Variants in PTPRN2 observed in about 807,000 individuals in gnomAD.
PTPRN2 encodes protein tyrosine phosphatase receptor type N2, also known as receptor-type tyrosine-protein phosphatase N2.
PTPRN2 carries 74 observed loss-of-function variants against 118.8 expected under a neutral mutation model. The ratio of observed to expected loss-of-function variants is 0.62; its 90% CI spans 0.52 to 0.76. PTPRN2 has a LOEUF of 0.76. Among genes scored for constraint, PTPRN2 ranks in the 30% least tolerant of loss-of-function variants. The pLI, the probability that PTPRN2 is intolerant of heterozygous loss-of-function variation, is 0.00. For synonymous variants in PTPRN2, 641 were observed against 608.0 expected, an observed-to-expected ratio of 1.05 and a Z score of -0.80; for missense variants, 1,481 against 1,394.4, an observed-to-expected ratio of 1.06 and a Z score of -0.99.
intron 21 of PTPRN2, among the ~76,000 whole-genome samples, chr7:157,561,223 G>A (rs1799176542): frequency 6.6e-6 from 1 of 151,830 alleles, no homozygotes; most frequent in South Asian, 2.1e-4. Context: ...CGGCCCCCGG[G>A]TCCTGTACTG....
intron 12 of PTPRN2, among the ~76,000 whole-genome samples, chr7:157,896,446 T>C (rs769473305): frequency 2.0e-4 from 29 of 146,222 alleles, no homozygotes; most frequent in Admixed American, 6.8e-4. Flanking sequence ...CTCAGGTGCG[T>C]GTGGGAAGGA....
chr7:157,571,125 C>A (rs574090793), intron 20 of PTPRN2, among the ~76,000 whole-genome samples: 1 of 150,438 alleles, frequency 6.6e-6, no homozygotes, highest in East Asian at 2.0e-4. Context: ...CGGGCGCAAT[C>A]GCTTGATCCC....
At chr7:158,340,662 TCA>T (rs1279734856) in intron 2 of PTPRN2, among the ~76,000 whole-genome samples, 27 of 96,184 alleles carry the variant, frequency 2.8e-4, no homozygotes, top group African/African-American at 1.0e-3. Flanking sequence ...CCCGCAGACG[TCA>T]CTCACACCCA....
intron 3 of PTPRN2, among the ~76,000 whole-genome samples, chr7:158,245,990 T>C (rs2150872987): frequency 6.6e-6 from 1 of 152,086 alleles, no homozygotes. Flanking sequence ...AGGGCCTGGT[T>C]GGCAGCAGCG....
chr7:158,333,778 A>G (rs1246167379), intron 2 of PTPRN2, among the ~76,000 whole-genome samples: 4 of 147,444 alleles, frequency 2.7e-5, no homozygotes, highest in African/African-American at 1.0e-4. Context: ...GACATCACTC[A>G]CACACACACT....
chr7:158,437,806 G>A (rs962148958), intron 2 of PTPRN2, among the ~76,000 whole-genome samples: 2 of 152,230 alleles, frequency 1.3e-5, no homozygotes, highest in African/African-American at 4.8e-5. Context: ...TTTGGCAAAT[G>A]TGTCAGAGGT....
At chr7:158,543,745 AC>A (rs1260640440) in intron 1 of PTPRN2, among the ~76,000 whole-genome samples, 5 of 152,276 alleles carry the variant, frequency 3.3e-5, no homozygotes, top group Admixed American at 1.3e-4. Context: ...CATTTCATCT[AC>A]CCTCTAAAAT....
chr7:158,023,376 T>C (rs896495213), intron 11 of PTPRN2, among the ~76,000 whole-genome samples: 2 of 152,138 alleles, frequency 1.3e-5, no homozygotes, highest in Admixed American at 1.3e-4. Context: ...CCGTGGCCAG[T>C]GCTGCTCCCA....
intron 12 of PTPRN2, among the ~76,000 whole-genome samples, chr7:157,833,665 C>T (rs540451616): frequency 8.5e-5 from 13 of 152,352 alleles, no homozygotes; most frequent in East Asian, 3.9e-4. Flanking sequence ...AGCATAGTTC[C>T]GGGAGCAGCT....
intron 12 of PTPRN2, among the ~76,000 whole-genome samples, chr7:157,796,890 A>AC (rs928504022): frequency 6.6e-6 from 1 of 151,006 alleles, no homozygotes; most frequent in Non-Finnish European, 1.5e-5. Context: ...TCCAGTCACC[A>AC]CCCCCCAGGC....
chr7:157,796,929 C>T (rs1230406045), intron 12 of PTPRN2, among the ~76,000 whole-genome samples: 4 of 152,152 alleles, frequency 2.6e-5, no homozygotes, highest in Non-Finnish European at 5.9e-5. Flanking sequence ...GATTACGGTT[C>T]GACAGGAGAT....
chr7:157,697,878 A>G (rs1340040405), intron 12 of PTPRN2, among the ~76,000 whole-genome samples: 1 of 150,266 alleles, frequency 6.7e-6, no homozygotes, highest in African/African-American at 2.5e-5. Context: ...CTACTCATGC[A>G]TACTGGGTCT....
intron 12 of PTPRN2, among the ~76,000 whole-genome samples, chr7:157,725,177 A>G (rs1395275715): frequency 6.6e-6 from 1 of 150,954 alleles, no homozygotes; most frequent in African/African-American, 2.4e-5. Flanking sequence ...CTCGCCTCCC[A>G]GGAGAACTGG....
intron 11 of PTPRN2, among the ~76,000 whole-genome samples, chr7:157,961,150 T>C (rs920493930): frequency 4.6e-5 from 7 of 152,220 alleles, no homozygotes; most frequent in African/African-American, 1.7e-4. Context: ...GTAGTTATAG[T>C]TTATTAGAGA....
intron 3 of PTPRN2, among the ~76,000 whole-genome samples, chr7:158,220,743 G>A (rs2150791425): frequency 6.6e-6 from 1 of 151,958 alleles, no homozygotes; most frequent in Admixed American, 6.5e-5. Context: ...CCACGCTCAT[G>A]GATAGGAAGA....
In PTPRN2 at chr7:157,717,788, C is replaced by G. The variant is rs373685048; in HGVS notation, c.1789-34851G>C. Among the ~76,000 whole-genome samples the G allele has an allele frequency of 5.3e-5, 8 of 152,268 alleles. No homozygotes were observed. In the East Asian group the frequency reaches 1.2e-3, roughly 22 times the overall value. On this transcript the variant is annotated intron_variant, in intron 12 of 22. Coordinates refer to ENST00000389418, the MANE Select transcript of PTPRN2 (RefSeq NM_002847.5). The stretch of plus-strand genomic sequence containing the variant: ...GCACCTGCGCCCCATCCCTGTTACA[C>G]CTGTTCTGAAGCCTTCAAGAGCAAA...
At chr7:158,060,981 T>C (rs1024500357) in intron 11 of PTPRN2, among the ~76,000 whole-genome samples, 4 of 152,266 alleles carry the variant, frequency 2.6e-5, no homozygotes, top group African/African-American at 9.6e-5. Flanking sequence ...CAAAACATTC[T>C]ATCAAACTGA....
At chr7:157,898,641 G>C in intron 12 of PTPRN2, 32 bp downstream of exon 12, 2 of 1,542,188 alleles carry the variant, frequency 1.3e-6, no homozygotes, top group Non-Finnish European at 1.8e-6. Flanking sequence ...ACTGCAGATC[G>C]CAGAGCAGAC....
Position 158,508,595 on chromosome 7 carries a change from T to C in PTPRN2, c.113-18810A>G, listed in dbSNP as rs371004367. Among the ~76,000 whole-genome samples the C allele has an allele frequency of 5.4e-4, 82 of 151,370 alleles. 1 individual carries two copies. In the South Asian group the frequency reaches 0.017, roughly 31 times the overall value. On this transcript the variant is annotated intron_variant, in intron 1 of 22. Transcript: ENST00000389418. ...AGGTGCGGAAGTGGCTCCGCTCCTG[T>C]GGGTGTCGGGGCAACGTGGGACGCT... is the stretch of plus-strand genomic sequence containing the variant.
Sources: gnomAD v4.1 joint callset for allele counts (sites outside exome capture counted in the v4.1 genomes callset) on GRCh38, gnomAD v4.1.1 for gene constraint, MANE v1.5 for transcripts, NCBI Gene and HGNC (gene_info 2026-07-23, HGNC 2026-07-21) for gene names.